The following MALL variants were observed in gnomAD, a reference collection of about 807,000 sequenced individuals.
The protein encoded by MALL is MAL-like protein.
Under a neutral mutation model 10.3 loss-of-function variants are expected in MALL, and 2 were observed. That is an observed-to-expected ratio of 0.19 (90% CI 0.08 to 0.61). MALL has a LOEUF of 0.61. Ranked by LOEUF, MALL falls within the 20% of genes least tolerant of loss-of-function variation. The pLI, the probability that MALL is intolerant of heterozygous loss-of-function variation, is 0.88. For missense variants in MALL, 39 were observed against 115.2 expected, an observed-to-expected ratio of 0.34 and a Z score of 3.03; for synonymous variants, 27 against 51.8, an observed-to-expected ratio of 0.52 and a Z score of 2.05.
At chr2:110,097,637 C>T (rs1320084082) in intron 1 of MALL, 2 of 441,488 alleles carry the variant, frequency 4.5e-6, no homozygotes, top group Admixed American at 2.4e-5. Flanking sequence ...CAAAAAGATG[C>T]ATGGTCTCAG....
chr2:110,096,451 G>T (rs1049753159), intron 1 of MALL, among the ~76,000 whole-genome samples: 6 of 152,054 alleles, frequency 3.9e-5, no homozygotes, highest in African/African-American at 1.4e-4. Flanking sequence ...GTGAGGGTTT[G>T]GTGAGTCTGC....
At chr2:110,116,033 G>A (rs763843305), upstream of MALL, 53 of 382,928 alleles carry the variant, frequency 1.4e-4, no homozygotes, top group Non-Finnish European at 2.1e-4. Context: ...GGAGCAGAGC[G>A]GGAGTCTCCT....
chr2:110,097,695 G>A, intron 1 of MALL: 1 of 308,600 alleles, frequency 3.2e-6, no homozygotes, highest in South Asian at 2.1e-5. Context: ...TGTGGGTTTG[G>A]GGTGGGGCAG....
intron 1 of MALL, among the ~76,000 whole-genome samples, chr2:110,107,099 G>A (rs1678713319): frequency 6.6e-6 from 1 of 152,036 alleles, no homozygotes; most frequent in South Asian, 2.1e-4. Context: ...GGTGCACCCT[G>A]AAAGGGTAGC....
chr2:110,098,786 C>T (rs1260587438), intron 1 of MALL, among the ~76,000 whole-genome samples: 2 of 152,102 alleles, frequency 1.3e-5, no homozygotes, highest in African/African-American at 4.8e-5. Context: ...GGGGATCACT[C>T]GAGCCCAAGT....
intron 1 of MALL, among the ~76,000 whole-genome samples, chr2:110,111,048 C>T (rs1217066869): frequency 4.6e-5 from 7 of 152,140 alleles, no homozygotes; most frequent in East Asian, 3.9e-4. Context: ...TCAGCAAAAT[C>T]GGCATACAAG....
chr2:110,104,637 C>A (rs1222211157), intron 1 of MALL, among the ~76,000 whole-genome samples: 6 of 152,178 alleles, frequency 3.9e-5, no homozygotes, highest in Non-Finnish European at 4.4e-5. Context: ...TCAATCCAAG[C>A]CCTCCAAGAA....
At chr2:110,098,281 T>A (rs562230106) in intron 1 of MALL, among the ~76,000 whole-genome samples, 5 of 152,002 alleles carry the variant, frequency 3.3e-5, no homozygotes, top group African/African-American at 1.2e-4. Flanking sequence ...GTGGCATTCA[T>A]GTTCATTCAC....
At chr2:110,106,049 G>A (rs1263805717) in intron 1 of MALL, among the ~76,000 whole-genome samples, 1 of 152,186 alleles carries the variant, frequency 6.6e-6, no homozygotes, top group Non-Finnish European at 1.5e-5. Context: ...TTAAGCAGCT[G>A]AAAGGAAAAC....
intron 1 of MALL, among the ~76,000 whole-genome samples, chr2:110,109,431 G>C (rs558503624): frequency 1.3e-5 from 2 of 152,222 alleles, no homozygotes; most frequent in East Asian, 3.9e-4. Flanking sequence ...AAACTTTAAA[G>C]CATTATCAGT....
rs1283212620 is a variant in MALL at position 110,090,334 on chromosome 2, C to CA, written c.273+1268dup. ...AATCTTGCACTGTCCCGCCCTGTTC[C>CA]ACCTGGGATGTGAATCAGACATTTG... On this transcript the variant is annotated intron_variant, in intron 2 of 3. Transcript: ENST00000272462. Among the ~76,000 whole-genome samples, 4 of 89,084 alleles carry CA rather than the reference C, an allele frequency of 4.5e-5. No individual in the cohort carries two copies. The Admixed American group carries it at 5.3e-4, about 12-fold the overall frequency. The allele number at this position is 89,084 out of a possible 152,430, so 58.4% of individuals were successfully genotyped here.
chr2:110,116,763 T>C (rs759354735), upstream of MALL, among the ~76,000 whole-genome samples: 22 of 152,210 alleles, frequency 1.4e-4, 1 homozygote, highest in African/African-American at 2.2e-4. Context: ...CACCTTTGAA[T>C]TGGCGAACCT....
chr2:110,115,917 C>T (rs556092957), upstream of MALL: 2 of 416,276 alleles, frequency 4.8e-6, no homozygotes, highest in East Asian at 3.6e-5. Context: ...ACGTTCCAGC[C>T]GAGCAGGTCC....
At chr2:110,117,933 C>A (rs78400600), upstream of MALL, among the ~76,000 whole-genome samples, 70 of 152,242 alleles carry the variant, frequency 4.6e-4, no homozygotes, top group African/African-American at 1.6e-3. Context: ...ATGTCTTTGT[C>A]TGCATCCTGT....
intron 1 of MALL, among the ~76,000 whole-genome samples, chr2:110,099,859 G>A (rs957072499): frequency 1.3e-5 from 2 of 152,110 alleles, no homozygotes; most frequent in African/African-American, 2.4e-5. Context: ...CAGATGACAC[G>A]ACCGAGCTGC....
chr2:110,115,538 C>CCA (rs1400871846), intron 1 of MALL, 150 bp downstream of exon 1: 1 of 433,228 alleles, frequency 2.3e-6, no homozygotes. Context: ...GCCGGTCTCC[C>CCA]CCCCCCTCTC....
intron 1 of MALL, chr2:110,097,513 T>G: frequency 2.2e-6 from 1 of 456,660 alleles, no homozygotes; most frequent in Non-Finnish European, 4.4e-6. Flanking sequence ...ACAGAGCAGC[T>G]GGAAGCCCCT....
intron 1 of MALL, among the ~76,000 whole-genome samples, chr2:110,096,590 A>G (rs1678444699): frequency 6.6e-6 from 1 of 152,026 alleles, no homozygotes; most frequent in African/African-American, 2.4e-5. Context: ...AAGGATGGGA[A>G]ATTCACTTTT....
chr2:110,109,783 C>A (rs1402640947), intron 1 of MALL, among the ~76,000 whole-genome samples: 1 of 152,204 alleles, frequency 6.6e-6, no homozygotes, highest in Admixed American at 6.5e-5. Context: ...TATACAACAG[C>A]ACATGGAACT....
Sources: allele counts gnomAD v4.1 joint callset (sites outside exome capture counted in the v4.1 genomes callset), GRCh38; gene constraint gnomAD v4.1.1; transcripts MANE v1.5; gene names NCBI Gene and HGNC (gene_info 2026-07-23, HGNC 2026-07-21).